The following PTCHD4 variants were observed in gnomAD, a reference collection of about 807,000 sequenced individuals.
PTCHD4 encodes patched domain containing 4.
A neutral mutation model predicts 58.1 loss-of-function variants in PTCHD4; 33 were observed. The observed-to-expected ratio is 0.57, with a 90% CI of 0.43 to 0.76. The LOEUF (loss-of-function observed/expected upper bound fraction) is 0.76. PTCHD4 is among the 30% of genes least tolerant of loss of function. The pLI is 0.00. For missense variants in PTCHD4, 1,058 were observed against 1,027.1 expected (o/e 1.03, Z -0.41); for synonymous variants, 478 against 409.6 (o/e 1.17, Z -2.02).
chr6:47,885,464 A>C (rs1764162223), intron 4 of PTCHD4, among the ~76,000 whole-genome samples: 1 of 152,110 alleles, frequency 6.6e-6, no homozygotes, highest in Non-Finnish European at 1.5e-5. Context: ...AAAGATAAAG[A>C]TCATGAAGGT....
chr6:47,895,114 G>A (rs973758952), intron 4 of PTCHD4, among the ~76,000 whole-genome samples: 3 of 150,532 alleles, frequency 2.0e-5, no homozygotes, highest in African/African-American at 4.9e-5. Context: ...CAGCCTCGGC[G>A]ACAGAGTGAG....
intron 3 of PTCHD4, among the ~76,000 whole-genome samples, chr6:48,025,360 A>C (rs1211875466): frequency 6.6e-6 from 1 of 152,208 alleles, no homozygotes; most frequent in Non-Finnish European, 1.5e-5. Flanking sequence ...GAAAAAACTA[A>C]TTTTTGACAG....
intron 3 of PTCHD4, among the ~76,000 whole-genome samples, chr6:48,043,947 G>A (rs1233734230): frequency 1.3e-5 from 2 of 151,784 alleles, no homozygotes; most frequent in Non-Finnish European, 2.9e-5. Flanking sequence ...CAGTATATGA[G>A]AATTAGAACG....
intron 4 of PTCHD4, among the ~76,000 whole-genome samples, chr6:47,996,736 G>T (rs933637967): frequency 2.0e-5 from 3 of 152,072 alleles, no homozygotes; most frequent in Admixed American, 2.0e-4. Context: ...AGTGCATGAA[G>T]CTCCACGCAA....
chr6:47,958,708 A>G (rs568205508), intron 4 of PTCHD4, among the ~76,000 whole-genome samples: 6 of 152,330 alleles, frequency 3.9e-5, no homozygotes, highest in Non-Finnish European at 7.3e-5. Flanking sequence ...TGATTAGCAC[A>G]TGTGTGAGAA....
intron 3 of PTCHD4, among the ~76,000 whole-genome samples, chr6:48,064,586 CA>C (rs2113873585): frequency 6.6e-6 from 1 of 151,978 alleles, no homozygotes; most frequent in African/African-American, 2.4e-5. Flanking sequence ...ATATTTGGGT[CA>C]AAAGCACTTT....
At chr6:47,920,194 G>T (rs1004348739) in intron 4 of PTCHD4, among the ~76,000 whole-genome samples, 1 of 152,138 alleles carries the variant, frequency 6.6e-6, no homozygotes, top group South Asian at 2.1e-4. Context: ...TGGACCAAAG[G>T]TACCACAGGA....
At chr6:47,984,286 G>T (rs1176722563) in intron 4 of PTCHD4, among the ~76,000 whole-genome samples, 3 of 152,146 alleles carry the variant, frequency 2.0e-5, no homozygotes, top group Non-Finnish European at 4.4e-5. Flanking sequence ...CCTCATGGCT[G>T]GGTGGGACTT....
chr6:48,080,751 C>T (rs1001549304), intron 1 of PTCHD4, among the ~76,000 whole-genome samples: 5 of 152,158 alleles, frequency 3.3e-5, no homozygotes, highest in African/African-American at 4.8e-5. Flanking sequence ...AATCTTGAGG[C>T]GTGATCTTTG....
Position 47,879,560 on chromosome 6 carries a change from A to G in PTCHD4, c.1275T>C (p.Asp425=), listed in dbSNP as rs1478934540. Residue 425 remains aspartate (D), a synonymous_variant, in exon 5 of 5, where the codon GAT becomes GAC. Coordinates refer to ENST00000339488, the MANE Select transcript of PTCHD4 (RefSeq NM_001384253.1). ...KPVWFQTVMS[D]GHQQTSHHET... is the part of the protein sequence containing the mutation. ...CATGATGGGACGTCTGTTGATGCCCATCACTCATCACTGTCTGGAACCACA... is the reference window on the plus strand; with the variant it reads ...CATGATGGGACGTCTGTTGATGCCCGTCACTCATCACTGTCTGGAACCACA... 6.2e-7 allele frequency: 1 copy of G among 1,613,790 alleles called. No individual in the cohort carries two copies. Among genetic ancestry groups the G allele is most frequent in the Non-Finnish European group, 8.5e-7 (1 of 1,179,782 alleles).
At chr6:48,021,612 AT>A (rs139823059) in intron 3 of PTCHD4, among the ~76,000 whole-genome samples, 37,148 of 150,496 alleles carry the variant, frequency 0.25, 4,835 homozygotes, top group South Asian at 0.31. Context: ...AAGCTAGCTT[AT>A]TTTTTTTTTC....
At chr6:47,913,923 G>A (rs1765149727) in intron 4 of PTCHD4, among the ~76,000 whole-genome samples, 1 of 152,062 alleles carries the variant, frequency 6.6e-6, no homozygotes, top group Non-Finnish European at 1.5e-5. Context: ...TATCTCTGAG[G>A]TAGATATTAG....
chr6:48,018,925 C>T (rs1762961040), intron 3 of PTCHD4, among the ~76,000 whole-genome samples: 1 of 152,106 alleles, frequency 6.6e-6, no homozygotes, highest in Non-Finnish European at 1.5e-5. Flanking sequence ...AAAAGTCCTG[C>T]CATTATTGCC....
intron 4 of PTCHD4, among the ~76,000 whole-genome samples, chr6:47,897,394 T>G (rs1162200492): frequency 1.3e-5 from 2 of 152,156 alleles, no homozygotes; most frequent in African/African-American, 4.8e-5. Context: ...GCTTTCTCAT[T>G]CCATGCATGA....
At chr6:47,966,590 G>A (rs12204196) in intron 4 of PTCHD4, among the ~76,000 whole-genome samples, 18,521 of 152,220 alleles carry the variant, frequency 0.12, 1,452 homozygotes, top group South Asian at 0.2. Flanking sequence ...CCCCACAGTA[G>A]AAGTTCTTTC....
At chr6:48,107,274 C>G (rs1765751662) in intron 1 of PTCHD4, among the ~76,000 whole-genome samples, 1 of 152,102 alleles carries the variant, frequency 6.6e-6, no homozygotes, top group South Asian at 2.1e-4. Flanking sequence ...TGGAACAGAA[C>G]AGAGCCCTCA....
chr6:48,101,625 C>T (rs746193733), intron 1 of PTCHD4, among the ~76,000 whole-genome samples: 32 of 152,256 alleles, frequency 2.1e-4, no homozygotes, highest in African/African-American at 7.2e-4. Flanking sequence ...GGTAGCCTCA[C>T]GATTTATTAT....
chr6:47,937,180 A>T (rs1378555056), intron 4 of PTCHD4, among the ~76,000 whole-genome samples: 1 of 152,204 alleles, frequency 6.6e-6, no homozygotes, highest in Non-Finnish European at 1.5e-5. Flanking sequence ...GAGTCATGGA[A>T]AAGCATGCCA....
intron 4 of PTCHD4, among the ~76,000 whole-genome samples, chr6:47,915,997 T>C (rs550281404): frequency 6.6e-6 from 1 of 152,086 alleles, no homozygotes. Flanking sequence ...TATCATCCAG[T>C]GCATGGTGAG....
Sources: gnomAD v4.1 joint callset for allele counts (sites outside exome capture counted in the v4.1 genomes callset) on GRCh38, gnomAD v4.1.1 for gene constraint, MANE v1.5 for transcripts, NCBI Gene and HGNC (gene_info 2026-07-23, HGNC 2026-07-21) for gene names.